CDH12: variants seen among roughly 807,000 people sequenced by gnomAD.
The protein encoded by CDH12 is cadherin 12.
In CDH12, 41 loss-of-function variants were observed where a neutral mutation model predicts 74.1. The observed-to-expected ratio is 0.55, with a 90% CI of 0.43 to 0.72. CDH12 has a LOEUF of 0.72. Among genes scored for constraint, CDH12 ranks in the 30% least tolerant of loss-of-function variants. CDH12 has a pLI of 0.00. For synonymous variants in CDH12, 399 were observed against 355.0 expected, an observed-to-expected ratio of 1.12 and a Z score of -1.39; for missense variants, 945 against 977.2, an observed-to-expected ratio of 0.97 and a Z score of 0.44.
chr5:21,814,142 AGTGTGTGTGT>A (rs59666017), intron 9 of CDH12, among the ~76,000 whole-genome samples: 80,008 of 145,478 alleles, frequency 0.55, 23,851 homozygotes, highest in Non-Finnish European at 0.67. Context: ...AGGAGAAATG[AGTGTGTGTGT>A]GTGTGTGTGT....
At chr5:22,549,255 G>A (rs1738461625) in intron 1 of CDH12, among the ~76,000 whole-genome samples, 1 of 151,686 alleles carries the variant, frequency 6.6e-6, no homozygotes, top group Non-Finnish European at 1.5e-5. Context: ...TTATAGACCT[G>A]AGCCACCGCA....
intron 1 of CDH12, among the ~76,000 whole-genome samples, chr5:22,598,078 A>C (rs2126808442): frequency 6.6e-6 from 1 of 152,304 alleles, no homozygotes; most frequent in Non-Finnish European, 1.5e-5. Flanking sequence ...TTGTATCAAT[A>C]ATCTAAACTA....
chr5:22,131,205 T>C (rs2150287146), intron 4 of CDH12, among the ~76,000 whole-genome samples: 1 of 152,206 alleles, frequency 6.6e-6, no homozygotes, highest in Non-Finnish European at 1.5e-5. Flanking sequence ...TATATAAACA[T>C]TTTAAAAATC....
intron 4 of CDH12, among the ~76,000 whole-genome samples, chr5:22,133,742 A>C (rs1188694963): frequency 6.6e-6 from 1 of 152,114 alleles, no homozygotes; most frequent in Non-Finnish European, 1.5e-5. Context: ...TCTATACATA[A>C]TTACGTGTAC....
chr5:22,105,437 C>G (rs1012138369), intron 4 of CDH12, among the ~76,000 whole-genome samples: 2 of 150,124 alleles, frequency 1.3e-5, no homozygotes, highest in Admixed American at 1.3e-4. Flanking sequence ...GTGGCTCAAG[C>G]CTGTAATCCC....
At chr5:22,062,497 T>G (rs1345158732) in intron 5 of CDH12, among the ~76,000 whole-genome samples, 1 of 152,150 alleles carries the variant, frequency 6.6e-6, no homozygotes, top group Non-Finnish European at 1.5e-5. Flanking sequence ...GACAATAGGC[T>G]TACCTAAAAA....
chr5:22,069,160 C>T lies in CDH12; in HGVS notation c.231+9286G>A, dbSNP rs182816927. 2.6e-5 allele frequency among the ~76,000 whole-genome samples: 4 copies of T among 152,276 alleles called. No homozygotes were observed. The East Asian group carries it at 7.7e-4, about 29-fold the overall frequency. On this transcript the variant is annotated intron_variant, in intron 5 of 14. Coordinates refer to ENST00000382254, the MANE Select transcript of CDH12 (RefSeq NM_004061.5). ...TCTACCATCCTGATCTTCCACACAG[C>T]ACTGCTTCTGATCATGACACTCACT...
intron 1 of CDH12, among the ~76,000 whole-genome samples, chr5:22,657,261 G>T (rs913299521): frequency 2.0e-5 from 3 of 152,124 alleles, no homozygotes; most frequent in African/African-American, 7.2e-5. Context: ...AGCATTGATT[G>T]GAAATGGGTA....
At chr5:22,178,973 A>C (rs532590893) in intron 4 of CDH12, among the ~76,000 whole-genome samples, 1 of 152,364 alleles carries the variant, frequency 6.6e-6, no homozygotes, top group South Asian at 2.1e-4. Context: ...GTGAGGACTC[A>C]AGTGGGTCTG....
At chr5:21,797,786 T>C (rs1746872593) in intron 10 of CDH12, among the ~76,000 whole-genome samples, 1 of 152,202 alleles carries the variant, frequency 6.6e-6, no homozygotes, top group Admixed American at 6.6e-5. Flanking sequence ...TTGGAACGTG[T>C]ATCTTTACCT....
At chr5:21,919,585 A>G (rs986449580) in intron 6 of CDH12, among the ~76,000 whole-genome samples, 7 of 152,030 alleles carry the variant, frequency 4.6e-5, no homozygotes, top group Non-Finnish European at 8.8e-5. Context: ...TCGCAGGCCA[A>G]CCCCTAGCCA....
intron 6 of CDH12, chr5:21,883,928 A>G: frequency 6.2e-7 from 1 of 1,608,822 alleles, no homozygotes; most frequent in African/African-American, 1.3e-5. Context: ...CCCTCCTTCG[A>G]TGCATTCCAG....
At chr5:22,815,198 CA>C (rs1183856156) in intron 1 of CDH12, among the ~76,000 whole-genome samples, 1 of 151,982 alleles carries the variant, frequency 6.6e-6, no homozygotes, top group Non-Finnish European at 1.5e-5. Flanking sequence ...ACAAGTGAAG[CA>C]GGTTGCACAA....
At chr5:22,444,668 C>A (rs1186336755) in intron 2 of CDH12, among the ~76,000 whole-genome samples, 1 of 151,740 alleles carries the variant, frequency 6.6e-6, no homozygotes, top group African/African-American at 2.4e-5. Flanking sequence ...TTCCAAAGCC[C>A]CATTTACTGC....
chr5:22,116,225 G>A (rs1745089913), intron 4 of CDH12, among the ~76,000 whole-genome samples: 1 of 152,146 alleles, frequency 6.6e-6, no homozygotes, highest in African/African-American at 2.4e-5. Context: ...AAAAGTTAGA[G>A]AGGTTCAAAA....
chr5:22,506,417 T>C (rs2126664439), intron 1 of CDH12, among the ~76,000 whole-genome samples: 1 of 152,314 alleles, frequency 6.6e-6, no homozygotes, highest in Non-Finnish European at 1.5e-5. Flanking sequence ...GTTTATTTTG[T>C]TGGTCTAATT....
intron 1 of CDH12, among the ~76,000 whole-genome samples, chr5:22,810,005 T>C (rs573553703): frequency 2.0e-5 from 3 of 152,248 alleles, no homozygotes; most frequent in Admixed American, 2.0e-4. Context: ...AGTGATAGAT[T>C]GAATTAACAC....
intron 1 of CDH12, among the ~76,000 whole-genome samples, chr5:22,525,580 G>C (rs991982825): frequency 2.6e-5 from 4 of 152,078 alleles, no homozygotes; most frequent in African/African-American, 7.2e-5. Flanking sequence ...AGATGTCCTA[G>C]TATGACGAGA....
intron 2 of CDH12, among the ~76,000 whole-genome samples, chr5:22,411,631 C>T (rs1899798): frequency 0.67 from 101,068 of 151,858 alleles, 34,547 homozygotes; most frequent in East Asian, 0.77. Context: ...ATCAAACCAA[C>T]GAAATTGATT....
Sources: allele counts gnomAD v4.1 joint callset (sites outside exome capture counted in the v4.1 genomes callset), GRCh38; gene constraint gnomAD v4.1.1; transcripts MANE v1.5; gene names NCBI Gene and HGNC (gene_info 2026-07-23, HGNC 2026-07-21).